FOCAD: variants seen among roughly 807,000 people sequenced by gnomAD.
FOCAD encodes focadhesin.
FOCAD carries 198 observed loss-of-function variants against 225.6 expected under a neutral mutation model. That is an observed-to-expected ratio of 0.88 (90% CI 0.78 to 0.99). The LOEUF (loss-of-function observed/expected upper bound fraction) is 0.99. FOCAD is among the 50% of genes least tolerant of loss of function. The probability of loss-of-function intolerance (pLI) is 0.00; values close to 1 mark genes in which losing one functional copy is unlikely to be tolerated. For missense variants in FOCAD, 2,713 were observed against 2,123.6 expected, an observed-to-expected ratio of 1.28 and a Z score of -5.46; for synonymous variants, 897 against 755.0, an observed-to-expected ratio of 1.19 and a Z score of -3.08.
chr9:20,724,884 A>C (rs565224113), intron 4 of FOCAD, among the ~76,000 whole-genome samples: 2 of 152,288 alleles, frequency 1.3e-5, no homozygotes, highest in East Asian at 3.9e-4. Context: ...AAAGGCAAGA[A>C]TGGGCCAGGC....
At chr9:20,790,510 G>T (rs374381232) in intron 11 of FOCAD, among the ~76,000 whole-genome samples, 1 of 152,136 alleles carries the variant, frequency 6.6e-6, no homozygotes. Context: ...AGTGACTTAC[G>T]CCTGTAATCC....
intron 2 of FOCAD, among the ~76,000 whole-genome samples, chr9:20,668,513 C>A (rs538743789): frequency 6.6e-6 from 1 of 152,132 alleles, no homozygotes; most frequent in Non-Finnish European, 1.5e-5. Context: ...GTTCTGATAT[C>A]AGGCAACATC....
chr9:20,954,709 G>A (rs34321735), intron 35 of FOCAD, among the ~76,000 whole-genome samples: 1,707 of 152,284 alleles, frequency 0.011, 18 homozygotes, highest in Non-Finnish European at 0.017. Context: ...ACAAATAAAT[G>A]AAGTATTAAG....
chr9:20,855,485 AGTT>A (rs1828083452), intron 15 of FOCAD, among the ~76,000 whole-genome samples: 2 of 151,716 alleles, frequency 1.3e-5, no homozygotes, highest in African/African-American at 4.8e-5. Context: ...AGTACATAAT[AGTT>A]GTATATATTT....
intron 21 of FOCAD, among the ~76,000 whole-genome samples, chr9:20,885,875 A>G (rs539214838): frequency 6.6e-6 from 1 of 152,332 alleles, no homozygotes; most frequent in South Asian, 2.1e-4. Context: ...GAATAACAAA[A>G]CAAAATGTCA....
chr9:20,851,538 T>A (rs1827657334), intron 15 of FOCAD, among the ~76,000 whole-genome samples: 2 of 151,864 alleles, frequency 1.3e-5, no homozygotes, highest in African/African-American at 4.8e-5. Context: ...CTACCCGTTT[T>A]GAAATTTTAA....
intron 11 of FOCAD, among the ~76,000 whole-genome samples, chr9:20,817,519 C>T (rs1236783633): frequency 6.6e-6 from 1 of 151,492 alleles, no homozygotes; most frequent in Non-Finnish European, 1.5e-5. Flanking sequence ...TCAGTACTTC[C>T]TTTATTTTTA....
chr9:20,849,217 T>C (rs540644962), intron 15 of FOCAD, among the ~76,000 whole-genome samples: 108 of 152,072 alleles, frequency 7.1e-4, no homozygotes, highest in Non-Finnish European at 1.4e-3. Context: ...TCCAGGACCC[T>C]CTACTTTCTT....
intron 11 of FOCAD, among the ~76,000 whole-genome samples, chr9:20,799,978 G>A (rs1033180784): frequency 1.3e-5 from 2 of 152,056 alleles, no homozygotes; most frequent in Non-Finnish European, 2.9e-5. Context: ...TTTTGCAGTG[G>A]CTGGTACCAG....
chr9:20,987,316 T>C (rs1238022338), intron 40 of FOCAD, among the ~76,000 whole-genome samples: 1 of 152,160 alleles, frequency 6.6e-6, no homozygotes, highest in Non-Finnish European at 1.5e-5. Flanking sequence ...AAGACCAGCC[T>C]GGCCCACATG....
intron 1 of FOCAD, among the ~76,000 whole-genome samples, chr9:20,690,507 T>C (rs993605607): frequency 2.6e-5 from 4 of 152,166 alleles, no homozygotes; most frequent in Non-Finnish European, 4.4e-5. Context: ...AAAATTACTC[T>C]TACTAAAAGT....
intron 5 of FOCAD, among the ~76,000 whole-genome samples, chr9:20,741,868 A>G (rs1827647164): frequency 6.6e-6 from 1 of 152,144 alleles, no homozygotes; most frequent in Non-Finnish European, 1.5e-5. Flanking sequence ...AGGATAGAAA[A>G]TAATTCAATT....
chr9:20,748,978 T>G (rs1177631776), intron 5 of FOCAD, among the ~76,000 whole-genome samples: 1 of 152,140 alleles, frequency 6.6e-6, no homozygotes, highest in African/African-American at 2.4e-5. Context: ...GCCACAAAAA[T>G]GTTGTAGTTT....
chr9:20,881,934 A>G lies in FOCAD; in HGVS notation c.2381A>G (p.Tyr794Cys), dbSNP rs1830697734. 6.2e-7 allele frequency: 1 copy of G among 1,613,940 alleles called. No homozygotes were observed. The highest frequency in any genetic ancestry group is 1.7e-4 in the Middle Eastern group (1 of 6,060). ...QEMVNMPRGI[Y>C]HSALKGGARS... ...ATGGTGAATATGCCTCGTGGGATATATCACTCTGCATTAAAAGGAGGTGCC... is the reference window on the plus strand; with the variant it reads ...ATGGTGAATATGCCTCGTGGGATATGTCACTCTGCATTAAAAGGAGGTGCC... The change falls in exon 20 of 44, where the codon TAT becomes TGT. Residue 794 changes from tyrosine (Y) to cysteine (C), a missense_variant. Tyr to Cys is a radical substitution (Grantham distance 194, BLOSUM62 -2). Transcript: ENST00000338382.
intron 6 of FOCAD, 24 bp downstream of exon 6, chr9:20,758,215 A>G: frequency 1.9e-6 from 3 of 1,555,102 alleles, no homozygotes; most frequent in South Asian, 1.1e-5. Flanking sequence ...AAAGTGTAAA[A>G]TAAAGTGAGG....
chr9:20,829,533 T>C (rs530784690), intron 15 of FOCAD, among the ~76,000 whole-genome samples: 37 of 152,258 alleles, frequency 2.4e-4, no homozygotes, highest in African/African-American at 8.9e-4. Context: ...TTTTGGCCAC[T>C]TCTGTTACCT....
Position 20,778,753 on chromosome 9 carries a change from C to A in FOCAD, c.979C>A (p.Pro327Thr). ...ACAGACTCCAGCAAGTCAGCAGAAGCCAATCTTAAATCTAGGTAAATAAAA... is the reference window on the plus strand; with the variant it reads ...ACAGACTCCAGCAAGTCAGCAGAAGACAATCTTAAATCTAGGTAAATAAAA... ...LLQTPASQQK[P>T]ILNLALKLLS... is the part of the protein sequence containing the mutation. The change falls in exon 9 of 44, where the codon CCA becomes ACA. Residue 327 changes from proline to threonine, a missense_variant. Transcript: ENST00000338382. The A allele has an allele frequency of 6.2e-7, 1 of 1,605,342 alleles. No homozygotes were observed. The highest frequency in any genetic ancestry group is 8.5e-7 in the Non-Finnish European group (1 of 1,172,878).
chr9:20,783,447 C>T (rs1476007724), intron 10 of FOCAD, among the ~76,000 whole-genome samples: 1 of 152,090 alleles, frequency 6.6e-6, no homozygotes, highest in Non-Finnish European at 1.5e-5. Flanking sequence ...TAACATGCCC[C>T]AAACTCTTCA....
chr9:20,907,365 T>C, intron 22 of FOCAD, 123 bp downstream of exon 22: 1 of 771,534 alleles, frequency 1.3e-6, no homozygotes. Flanking sequence ...GTAATGGTTA[T>C]TTTTACTCAT....
Sources: allele counts gnomAD v4.1 joint callset (sites outside exome capture counted in the v4.1 genomes callset), GRCh38; gene constraint gnomAD v4.1.1; transcripts MANE v1.5; gene names NCBI Gene and HGNC (gene_info 2026-07-23, HGNC 2026-07-21).